Variants in FMN1 observed in about 807,000 individuals in gnomAD.
FMN1 encodes the protein formin-1.
FMN1 carries 110 observed loss-of-function variants against 132.4 expected under a neutral mutation model. That is an observed-to-expected ratio of 0.83 (90% CI 0.71 to 0.97). The LOEUF (loss-of-function observed/expected upper bound fraction) is 0.97. FMN1 is among the 50% of genes least tolerant of loss of function. FMN1 has a pLI of 0.00. For missense variants in FMN1, 1,792 were observed against 1,705.3 expected (o/e 1.05, Z -0.90); for synonymous variants, 722 against 651.7 (o/e 1.11, Z -1.64).
chr15:33,122,990 TAAA>T (rs1962710466), intron 4 of FMN1, among the ~76,000 whole-genome samples: 1 of 151,754 alleles, frequency 6.6e-6, no homozygotes, highest in African/African-American at 2.4e-5. Flanking sequence ...ATGTCACAAA[TAAA>T]AAGACAGGCC....
At chr15:33,032,678 C>T (rs914033563) in intron 6 of FMN1, among the ~76,000 whole-genome samples, 1 of 152,166 alleles carries the variant, frequency 6.6e-6, no homozygotes, top group Non-Finnish European at 1.5e-5. Context: ...ACCCTCGGTT[C>T]CAATCAAGCA....
intron 6 of FMN1, among the ~76,000 whole-genome samples, chr15:33,008,298 A>G (rs1860204960): frequency 1.3e-5 from 2 of 152,148 alleles, no homozygotes; most frequent in Admixed American, 6.5e-5. Context: ...ACACAAATTA[A>G]GCAGATGGGA....
intron 15 of FMN1, among the ~76,000 whole-genome samples, chr15:32,896,421 T>TAAA (rs551693989): frequency 8.6e-5 from 13 of 152,040 alleles, no homozygotes; most frequent in Non-Finnish European, 1.6e-4. Context: ...CTTACTGTGG[T>TAAA]AAAAAACAAA....
At chr15:32,808,265 T>A (rs999297961) in intron 17 of FMN1, among the ~76,000 whole-genome samples, 1 of 152,210 alleles carries the variant, frequency 6.6e-6, no homozygotes, top group African/African-American at 2.4e-5. Context: ...TCAGAACTCA[T>A]GATAACTAAC....
intron 4 of FMN1, among the ~76,000 whole-genome samples, chr15:33,124,911 G>C (rs1260501284): frequency 6.6e-6 from 1 of 151,612 alleles, no homozygotes; most frequent in Non-Finnish European, 1.5e-5. Flanking sequence ...AAGGGCAAAT[G>C]TTAAAGATAC....
chr15:32,993,814 A>G (rs2033591868), intron 7 of FMN1, among the ~76,000 whole-genome samples: 1 of 149,582 alleles, frequency 6.7e-6, no homozygotes, highest in East Asian at 2.0e-4. Context: ...GAGCCACTAC[A>G]ATCTCTGACT....
chr15:33,186,368 C>T (rs1001019545), intron 2 of FMN1, among the ~76,000 whole-genome samples: 7 of 152,078 alleles, frequency 4.6e-5, no homozygotes, highest in African/African-American at 1.7e-4. Context: ...CCATCCCAGG[C>T]CCTTCAGCAA....
At chr15:33,048,638 A>AC (rs1555388914) in intron 6 of FMN1, among the ~76,000 whole-genome samples, 3 of 21,556 alleles carry the variant, frequency 1.4e-4, no homozygotes, top group Admixed American at 5.4e-4. Context: ...TACCAAAAAA[A>AC]AAAAAAAAAA....
intron 6 of FMN1, among the ~76,000 whole-genome samples, chr15:33,028,283 C>T (rs946750700): frequency 2.0e-5 from 3 of 152,074 alleles, no homozygotes; most frequent in Non-Finnish European, 4.4e-5. Flanking sequence ...TGGGGAAGGC[C>T]AGAAAGTGAC....
At chr15:33,009,317 G>GCTCA (rs1441499272) in intron 6 of FMN1, among the ~76,000 whole-genome samples, 1 of 152,098 alleles carries the variant, frequency 6.6e-6, no homozygotes, top group African/African-American at 2.4e-5. Context: ...TGTAACTGAT[G>GCTCA]CTCATCAAAG....
In FMN1 at chr15:32,999,169, ACATTT is replaced by A. The variant is rs2033949000; in HGVS notation, c.2223+8840_2223+8844del. 4.6e-5 allele frequency among the ~76,000 whole-genome samples: 7 copies of A among 152,334 alleles called. No individual in the cohort carries two copies. The South Asian group carries it at 1.5e-3, about 32-fold the overall frequency. On this transcript the variant is annotated intron_variant, in intron 7 of 20. Transcript: ENST00000616417. ...ACCATAAGGGTTTTATGAAATCATC[ACATTT>A]CATACTTGTGAAAGTTTTGTTTATT...
chr15:33,151,511 C>T (rs868267027), intron 4 of FMN1: 43 of 849,128 alleles, frequency 5.1e-5, no homozygotes, highest in Middle Eastern at 7.0e-4. Flanking sequence ...CTCTGTGTGC[C>T]TGCCTTGATC....
At chr15:33,045,812 C>A (rs1055361942) in intron 6 of FMN1, among the ~76,000 whole-genome samples, 2 of 152,030 alleles carry the variant, frequency 1.3e-5, no homozygotes, top group Admixed American at 1.3e-4. Flanking sequence ...TTTTCGTGCA[C>A]ATGTAGGTAG....
Position 32,930,155 on chromosome 15 carries a change from A to C in FMN1, c.3139-3894T>G, listed in dbSNP as rs1330566689. 3.6e-4 allele frequency among the ~76,000 whole-genome samples: 54 copies of C among 151,796 alleles called. 1 individual carries two copies. The highest frequency in any genetic ancestry group is 3.5e-3 in the Admixed American group (54 of 15,248). Reference sequence around the variant, plus strand: ...CAGGTGCCTGCCACCACGCCCGGCTAATTTTTTGCATTTTTAGTAGACGGG... The same window carrying C: ...CAGGTGCCTGCCACCACGCCCGGCTCATTTTTTGCATTTTTAGTAGACGGG... On this transcript the variant is annotated intron_variant, in intron 9 of 20. Coordinates refer to ENST00000616417, the MANE Select transcript of FMN1 (RefSeq NM_001277313.2).
At chr15:32,972,104 A>G (rs190888144) in intron 7 of FMN1, among the ~76,000 whole-genome samples, 2 of 152,172 alleles carry the variant, frequency 1.3e-5, no homozygotes, top group African/African-American at 4.8e-5. Flanking sequence ...GCAAATTAAT[A>G]TACGTAAAAG....
intron 10 of FMN1, among the ~76,000 whole-genome samples, chr15:32,921,463 G>A (rs1233835820): frequency 6.6e-6 from 1 of 152,116 alleles, no homozygotes; most frequent in Non-Finnish European, 1.5e-5. Context: ...AGTCTTCCAT[G>A]AACAGTGTGA....
intron 6 of FMN1, among the ~76,000 whole-genome samples, chr15:33,057,078 T>A (rs2037250569): frequency 6.6e-6 from 1 of 152,172 alleles, no homozygotes; most frequent in African/African-American, 2.4e-5. Context: ...CTCGGGAGGC[T>A]GAGGCAGAAG....
intron 3 of FMN1, 47 bp downstream of exon 3, chr15:33,180,151 G>A (rs1050451035): frequency 1.3e-5 from 2 of 152,066 alleles, no homozygotes; most frequent in African/African-American, 2.4e-5. Flanking sequence ...AGAGCACAGC[G>A]TGTCAGTGAA....
intron 4 of FMN1, among the ~76,000 whole-genome samples, chr15:33,119,996 G>A (rs1962403022): frequency 6.6e-6 from 1 of 152,186 alleles, no homozygotes; most frequent in African/African-American, 2.4e-5. Flanking sequence ...ATTCAGGAAT[G>A]CGATGGTAAG....
Sources: gnomAD v4.1 joint callset for allele counts (sites outside exome capture counted in the v4.1 genomes callset) on GRCh38, gnomAD v4.1.1 for gene constraint, MANE v1.5 for transcripts, NCBI Gene and HGNC (gene_info 2026-07-23, HGNC 2026-07-21) for gene names.